Variants in TSPAN5 observed in about 807,000 individuals in gnomAD.
TSPAN5 encodes tetraspanin-5.
Under a neutral mutation model 37.1 loss-of-function variants are expected in TSPAN5, and 10 were observed. That is an observed-to-expected ratio of 0.27 (90% confidence interval 0.17 to 0.46). TSPAN5 has a LOEUF of 0.46. TSPAN5 is among the 20% of genes least tolerant of loss of function. TSPAN5 has a pLI of 1.00. For missense variants in TSPAN5, 195 were observed against 326.6 expected (o/e 0.60, Z 3.11); for synonymous variants, 110 against 118.9 (o/e 0.93, Z 0.48).
In TSPAN5 at chr4:98,499,912, G is replaced by A. The variant is rs140659090; in HGVS notation, c.132+7766C>T. Among the ~76,000 whole-genome samples, 609 of 151,840 alleles carry A rather than the reference G, an allele frequency of 4.0e-3. 6 individuals are homozygous for A. The highest frequency in any genetic ancestry group is 0.014 in the African/African-American group (589 of 41,394). ...CCTGACCTCGTGATCTGCTCGCCTC[G>A]GCCTCCCAAAGTGCTGGGATTACAG... On this transcript the variant is annotated intron_variant, in intron 2 of 7. Transcript: ENST00000305798.
intron 1 of TSPAN5, among the ~76,000 whole-genome samples, chr4:98,528,092 G>A (rs1754000216): frequency 1.3e-5 from 2 of 152,158 alleles, no homozygotes; most frequent in South Asian, 2.1e-4. Flanking sequence ...GTGTTCCTCT[G>A]TCCGGCATAT....
At chr4:98,504,506 ACT>A (rs1753430241) in intron 2 of TSPAN5, among the ~76,000 whole-genome samples, 2 of 151,942 alleles carry the variant, frequency 1.3e-5, no homozygotes, top group South Asian at 4.2e-4. Flanking sequence ...GGAGCCTGAA[ACT>A]CTCCTAAAAT....
intron 1 of TSPAN5, among the ~76,000 whole-genome samples, chr4:98,551,758 C>T (rs1471144593): frequency 1.3e-5 from 2 of 151,948 alleles, no homozygotes; most frequent in African/African-American, 4.8e-5. Context: ...CCACGGCCTC[C>T]CAAAGTGCTG....
intron 1 of TSPAN5, among the ~76,000 whole-genome samples, chr4:98,575,520 C>A (rs1755213663): frequency 1.4e-5 from 2 of 140,038 alleles, no homozygotes; most frequent in South Asian, 2.3e-4. Flanking sequence ...TGCTGATTCC[C>A]TTCTCTCTTT....
chr4:98,565,442 A>G (rs2156503), intron 1 of TSPAN5, among the ~76,000 whole-genome samples: 457 of 17,224 alleles, frequency 0.027, 2 homozygotes, highest in African/African-American at 0.082. Context: ...GGGGCCTTAA[A>G]GAACTGAGGA....
intron 1 of TSPAN5, among the ~76,000 whole-genome samples, chr4:98,562,330 A>C (rs556515374): frequency 9.2e-5 from 14 of 152,254 alleles, no homozygotes; most frequent in Admixed American, 3.3e-4. Flanking sequence ...AGAGGAGATG[A>C]AAACTGAAAT....
At chr4:98,476,151 T>G (rs1752690638) in intron 7 of TSPAN5, 38 bp downstream of exon 7, 1 of 1,511,062 alleles carries the variant, frequency 6.6e-7, no homozygotes, top group South Asian at 1.1e-5. Context: ...CCCAGGGCAT[T>G]ATTTCCCTGT....
At chr4:98,497,180 C>T (rs1753230386) in intron 2 of TSPAN5, among the ~76,000 whole-genome samples, 1 of 151,970 alleles carries the variant, frequency 6.6e-6, no homozygotes, top group African/African-American at 2.4e-5. Flanking sequence ...CAAAAATCAG[C>T]CAGGCGTGCG....
At chr4:98,643,483 T>C (rs751269041) in intron 1 of TSPAN5, among the ~76,000 whole-genome samples, 5 of 152,216 alleles carry the variant, frequency 3.3e-5, no homozygotes, top group Non-Finnish European at 7.3e-5. Context: ...TGGTACTATA[T>C]ATTTTATATT....
At chr4:98,610,307 T>A (rs1009855600) in intron 1 of TSPAN5, among the ~76,000 whole-genome samples, 8 of 152,192 alleles carry the variant, frequency 5.3e-5, no homozygotes, top group Non-Finnish European at 1.2e-4. Context: ...GGAGCCCTGA[T>A]GACCTAAACA....
intron 1 of TSPAN5, among the ~76,000 whole-genome samples, chr4:98,623,197 C>T (rs1484298753): frequency 2.6e-5 from 4 of 152,172 alleles, no homozygotes; most frequent in Admixed American, 2.6e-4. Flanking sequence ...GCTTTTCAGA[C>T]TGGACATCAA....
intron 1 of TSPAN5, among the ~76,000 whole-genome samples, chr4:98,515,512 GCT>G (rs59536964): frequency 0.22 from 32,279 of 146,296 alleles, 3,491 homozygotes; most frequent in African/African-American, 0.24. Context: ...GTGATCAGAG[GCT>G]CTCTCTCTCT....
intron 1 of TSPAN5, among the ~76,000 whole-genome samples, chr4:98,631,263 C>G (rs1464243624): frequency 6.6e-6 from 1 of 152,210 alleles, no homozygotes; most frequent in Admixed American, 6.5e-5. Flanking sequence ...AAGGAGAGCA[C>G]CCCCTACAGA....
At chr4:98,635,609 A>G (rs867297421) in intron 1 of TSPAN5, among the ~76,000 whole-genome samples, 1 of 152,198 alleles carries the variant, frequency 6.6e-6, no homozygotes, top group Non-Finnish European at 1.5e-5. Context: ...ATTTGCTGTG[A>G]ATCAAAGACC....
chr4:98,525,169 C>G (rs1194733265), intron 1 of TSPAN5, among the ~76,000 whole-genome samples: 2 of 152,204 alleles, frequency 1.3e-5, no homozygotes, highest in Non-Finnish European at 2.9e-5. Context: ...GGGTCCTGCT[C>G]TTCCTAAAAT....
At chr4:98,499,145 A>T (rs915192626) in intron 2 of TSPAN5, among the ~76,000 whole-genome samples, 1 of 152,222 alleles carries the variant, frequency 6.6e-6, no homozygotes, top group Non-Finnish European at 1.5e-5. Context: ...GGGACTCAGC[A>T]GGGGAGCTTC....
chr4:98,656,601 G>A (rs1231767045), intron 1 of TSPAN5, among the ~76,000 whole-genome samples: 1 of 152,166 alleles, frequency 6.6e-6, no homozygotes, highest in Non-Finnish European at 1.5e-5. Flanking sequence ...TTGCAGGGAG[G>A]TGGGTGACTG....
Position 98,513,411 on chromosome 4 carries a change from A to G in TSPAN5, c.82-5683T>C, listed in dbSNP as rs1172456598. 3.3e-5 allele frequency among the ~76,000 whole-genome samples: 5 copies of G among 152,126 alleles called. No homozygotes were observed. The South Asian group carries it at 8.3e-4, about 25-fold the overall frequency. On this transcript the variant is annotated intron_variant, in intron 1 of 7. Transcript: ENST00000305798. ...GGATCTGGGCCGCAGAAAAGATTAGAGTCTGAGTGCATCTACAGTGATCAA... is the reference window on the plus strand; with the variant it reads ...GGATCTGGGCCGCAGAAAAGATTAGGGTCTGAGTGCATCTACAGTGATCAA...
chr4:98,640,930 C>A (rs566230167), intron 1 of TSPAN5, among the ~76,000 whole-genome samples: 3 of 152,106 alleles, frequency 2.0e-5, no homozygotes, highest in Non-Finnish European at 4.4e-5. Context: ...CACAATGATC[C>A]TAGAGGTCGC....
Sources: allele counts gnomAD v4.1 joint callset (sites outside exome capture counted in the v4.1 genomes callset), GRCh38; gene constraint gnomAD v4.1.1; transcripts MANE v1.5; gene names NCBI Gene and HGNC (gene_info 2026-07-23, HGNC 2026-07-21).